The following RSRC1 variants were observed in gnomAD, a reference collection of about 807,000 sequenced individuals.
The protein encoded by RSRC1 is serine/Arginine-related protein 53.
Under a neutral mutation model 49.1 loss-of-function variants are expected in RSRC1, and 39 were observed. That is an observed-to-expected ratio of 0.79 (90% CI 0.61 to 1.04). RSRC1 has a LOEUF of 1.04. RSRC1 is among the 50% of genes least tolerant of loss of function. The pLI is 0.00. For synonymous variants in RSRC1, 143 were observed against 130.8 expected, an observed-to-expected ratio of 1.09 and a Z score of -0.63; for missense variants, 388 against 402.4, an observed-to-expected ratio of 0.96 and a Z score of 0.31.
chr3:158,469,455 A>G, intron 7 of RSRC1: 3 of 420,646 alleles, frequency 7.1e-6, no homozygotes, highest in Non-Finnish European at 1.4e-5. Context: ...ATTAGTTAAT[A>G]CCATGCAAAG....
chr3:158,259,852 C>T (rs1724790192), intron 4 of RSRC1, among the ~76,000 whole-genome samples: 1 of 152,174 alleles, frequency 6.6e-6, no homozygotes, highest in African/African-American at 2.4e-5. Flanking sequence ...CTCCCTATGG[C>T]CTCACTGCCG....
chr3:158,490,183 C>T (rs903541224), intron 7 of RSRC1, among the ~76,000 whole-genome samples: 1 of 152,178 alleles, frequency 6.6e-6, no homozygotes, highest in Non-Finnish European at 1.5e-5. Flanking sequence ...CTCCAGGGTT[C>T]ACACCATTCT....
At chr3:158,230,064 C>T (rs1198098267) in intron 4 of RSRC1, among the ~76,000 whole-genome samples, 1 of 151,904 alleles carries the variant, frequency 6.6e-6, no homozygotes, top group South Asian at 2.1e-4. Context: ...GTTGTCATGT[C>T]TTTTTAAGTT....
chr3:158,110,169 G>A lies in RSRC1; in HGVS notation c.-57G>A, dbSNP rs939270336. ...GCCCTGATCTAAAGAAACGACTCAG[G>A]GACTGCGGCGCTTGCACGTCAACGG... On this transcript the variant is annotated 5_prime_UTR_variant, in exon 1 of 10. Transcript: ENST00000611884. 2.0e-4 allele frequency: 30 copies of A among 152,272 alleles called. No homozygotes were observed. Among genetic ancestry groups the A allele is most frequent in the African/African-American group, 7.2e-4 (30 of 41,474 alleles). The allele number at this position is 152,272 out of a possible 1,614,324, so 9.4% of individuals were successfully genotyped here.
chr3:158,504,761 C>A (rs531563782), intron 7 of RSRC1, among the ~76,000 whole-genome samples: 1 of 152,108 alleles, frequency 6.6e-6, no homozygotes, highest in East Asian at 1.9e-4. Context: ...AATACAAAAT[C>A]TTGATTATTG....
At chr3:158,377,824 T>A (rs1328991714) in intron 6 of RSRC1, among the ~76,000 whole-genome samples, 1 of 152,054 alleles carries the variant, frequency 6.6e-6, no homozygotes, top group Non-Finnish European at 1.5e-5. Flanking sequence ...CACACCCTGC[T>A]AATTTTTTGT....
chr3:158,329,422 A>T (rs930104207), intron 5 of RSRC1, among the ~76,000 whole-genome samples: 8 of 152,026 alleles, frequency 5.3e-5, no homozygotes, highest in Non-Finnish European at 1.0e-4. Flanking sequence ...CTTGGTGTGG[A>T]TGTCCTTTCT....
chr3:158,227,940 C>T (rs950132284), intron 4 of RSRC1, among the ~76,000 whole-genome samples: 2 of 152,018 alleles, frequency 1.3e-5, no homozygotes, highest in African/African-American at 4.8e-5. Flanking sequence ...CTGGTCTAGA[C>T]TGCCAAACCC....
chr3:158,141,806 A>G (rs1716764651), intron 3 of RSRC1, among the ~76,000 whole-genome samples: 3 of 152,110 alleles, frequency 2.0e-5, no homozygotes, highest in African/African-American at 7.2e-5. Context: ...TTCTTTATCT[A>G]AGATTTCTCG....
chr3:158,320,410 A>G (rs866533220), intron 5 of RSRC1, among the ~76,000 whole-genome samples: 1 of 152,116 alleles, frequency 6.6e-6, no homozygotes, highest in Non-Finnish European at 1.5e-5. Flanking sequence ...TGTTATATGT[A>G]ATTTGACATT....
intron 7 of RSRC1, among the ~76,000 whole-genome samples, chr3:158,534,412 C>G (rs781731526): frequency 1.3e-5 from 2 of 151,648 alleles, no homozygotes; most frequent in Non-Finnish European, 3.0e-5. Context: ...TGTCAAACCA[C>G]TTATTACTAT....
intron 4 of RSRC1, among the ~76,000 whole-genome samples, chr3:158,216,174 T>C (rs1466655940): frequency 6.6e-6 from 1 of 151,570 alleles, no homozygotes; most frequent in African/African-American, 2.4e-5. Context: ...TTCCATAATA[T>C]AAAGGCATAA....
At chr3:158,490,184 A>G (rs1006374634) in intron 7 of RSRC1, among the ~76,000 whole-genome samples, 4 of 152,180 alleles carry the variant, frequency 2.6e-5, no homozygotes, top group Non-Finnish European at 5.9e-5. Flanking sequence ...TCCAGGGTTC[A>G]CACCATTCTC....
At chr3:158,262,272 G>T (rs909610760) in intron 4 of RSRC1, among the ~76,000 whole-genome samples, 1 of 152,044 alleles carries the variant, frequency 6.6e-6, no homozygotes, top group Non-Finnish European at 1.5e-5. Flanking sequence ...TGACATTTAG[G>T]TCTATGGTTT....
chr3:158,157,357 T>TA (rs1461769435), intron 3 of RSRC1, among the ~76,000 whole-genome samples: 13 of 152,188 alleles, frequency 8.5e-5, no homozygotes, highest in African/African-American at 2.4e-4. Context: ...AACTGAGTCT[T>TA]ACAACTGTAT....
intron 4 of RSRC1, among the ~76,000 whole-genome samples, chr3:158,234,735 C>T (rs779402214): frequency 2.0e-5 from 3 of 151,988 alleles, no homozygotes; most frequent in Non-Finnish European, 4.4e-5. Context: ...ATATATTCTT[C>T]GAACTGAAAT....
intron 5 of RSRC1, among the ~76,000 whole-genome samples, chr3:158,352,520 C>A (rs2108234995): frequency 6.6e-6 from 1 of 152,092 alleles, no homozygotes; most frequent in African/African-American, 2.4e-5. Context: ...AAAAATTAGT[C>A]ATGAAATATC....
chr3:158,538,624 A>G (rs1712856134), intron 8 of RSRC1, among the ~76,000 whole-genome samples: 1 of 151,914 alleles, frequency 6.6e-6, no homozygotes, highest in Non-Finnish European at 1.5e-5. Context: ...TGGGTTTTCT[A>G]CTAAACAACT....
intron 3 of RSRC1, among the ~76,000 whole-genome samples, chr3:158,129,324 C>T (rs1265793596): frequency 9.0e-6 from 1 of 110,908 alleles, no homozygotes; most frequent in Non-Finnish European, 1.7e-5. Flanking sequence ...GACTGAGTCT[C>T]TATTGCCGAG....
Sources: allele counts gnomAD v4.1 joint callset (sites outside exome capture counted in the v4.1 genomes callset), GRCh38; gene constraint gnomAD v4.1.1; transcripts MANE v1.5; gene names NCBI Gene and HGNC (gene_info 2026-07-23, HGNC 2026-07-21).